The following DAGLB variants were observed in gnomAD, a reference collection of about 807,000 sequenced individuals.
The protein encoded by DAGLB is diacylglycerol lipase beta, also known as diacylglycerol lipase-beta.
A neutral mutation model predicts 72.1 loss-of-function variants in DAGLB; 66 were observed. The observed-to-expected ratio is 0.92, with a 90% confidence interval of 0.75 to 1.12. DAGLB has a LOEUF of 1.12. DAGLB is among the 50% of genes most tolerant of loss of function. DAGLB has a pLI of 0.00. For missense variants in DAGLB, 1,065 were observed against 884.9 expected, an observed-to-expected ratio of 1.20 and a Z score of -2.58; for synonymous variants, 414 against 359.5, an observed-to-expected ratio of 1.15 and a Z score of -1.71.
At chr7:6,445,763 T>G in intron 2 of DAGLB, 190 bp downstream of exon 2, 1 of 599,994 alleles carries the variant, frequency 1.7e-6, no homozygotes, top group Non-Finnish European at 2.7e-6. Flanking sequence ...GTGTCCCGCC[T>G]GGTACAGGAT....
At chr7:6,435,119 C>A (rs977228089) in intron 3 of DAGLB, 99 bp from the exon 4 acceptor site, 396 of 1,514,730 alleles carry the variant, frequency 2.6e-4, no homozygotes, top group Non-Finnish European at 3.1e-4. Context: ...TGAGTCTCTA[C>A]CACGGAGGGT....
chr7:6,434,750 C>T lies in DAGLB; in HGVS notation c.678+12G>A. The T allele has an allele frequency of 1.7e-5, 27 of 1,613,988 alleles. No individual in the cohort carries two copies. The highest frequency in any genetic ancestry group is 2.0e-5 in the Non-Finnish European group (24 of 1,179,884). ...CAGAAGAAACAGACCAAACCAGATCCCCTCGGCTTACTGAAAAGTAGGTTG... is the reference window on the plus strand; with the variant it reads ...CAGAAGAAACAGACCAAACCAGATCTCCTCGGCTTACTGAAAAGTAGGTTG... On this transcript the variant is annotated intron_variant, in intron 4 of 14. Transcript: ENST00000297056.
intron 11 of DAGLB, among the ~76,000 whole-genome samples, chr7:6,415,762 T>G (rs368313565): frequency 3.2e-4 from 48 of 151,290 alleles, no homozygotes; most frequent in African/African-American, 1.0e-3. Context: ...GGAGAATCGC[T>G]TGAAGCTGGG....
At chr7:6,425,245 C>T (rs1207203936) in intron 7 of DAGLB, among the ~76,000 whole-genome samples, 1 of 152,308 alleles carries the variant, frequency 6.6e-6, no homozygotes, top group Admixed American at 6.5e-5. Flanking sequence ...GCGAGCGACA[C>T]TGAACACGCA....
At chr7:6,410,442 G>T in intron 13 of DAGLB, 62 bp from the exon 14 acceptor site, 1 of 1,539,124 alleles carries the variant, frequency 6.5e-7, no homozygotes, top group East Asian at 2.3e-5. Context: ...GAGACCTCCC[G>T]AAACACCAAG....
rs985561468 is a variant in DAGLB, at chr7:6,410,254, G to C, written c.1696C>G (p.Leu566Val). 1.2e-6 allele frequency: 2 copies of C among 1,613,452 alleles called. No homozygotes were observed. The highest frequency in any genetic ancestry group is 8.5e-7 in the Non-Finnish European group (1 of 1,179,754). ...TQPLLGEQSL[L>V]TRWSPAYSFS... ...CTGTAGGCCGGGGACCAGCGCGTCA[G>C]TAGGCTCTGCTCCCCCAGAAGAGGC... The change falls in exon 14 of 15, where the codon CTG becomes GTG. Residue 566 changes from leucine to valine, a missense_variant. Transcript: ENST00000297056.
At chr7:6,420,993 G>C (rs567096828) in intron 9 of DAGLB, among the ~76,000 whole-genome samples, 1 of 152,324 alleles carries the variant, frequency 6.6e-6, no homozygotes, top group Non-Finnish European at 1.5e-5. Context: ...TCTTCACCAT[G>C]AGAATGTACT....
intron 10 of DAGLB, 40 bp downstream of exon 10, chr7:6,416,800 TC>T (rs1562479393): frequency 6.2e-7 from 1 of 1,613,798 alleles, no homozygotes; most frequent in Non-Finnish European, 8.5e-7. Flanking sequence ...AAACAACAGC[TC>T]CAAAGAGGAC....
At chr7:6,415,415 G>A (rs71524068) in intron 11 of DAGLB, among the ~76,000 whole-genome samples, 26,792 of 151,624 alleles carry the variant, frequency 0.18, 2,638 homozygotes, top group East Asian at 0.23. Flanking sequence ...AAAGGGCCGG[G>A]ATTACAGGCA....
Position 6,416,639 on chromosome 7 carries a change from C to G in DAGLB, c.1415G>C (p.Arg472Pro), listed in dbSNP as rs1562479268. The part of the protein sequence containing the change: ...QVRCYAFSPP[R>P]GLWSKALQEY... ...AACAAAGGCTCACCTCCACAGCCCC[C>G]GGGGTGGGGAGAAGGCGTAGCACCT... The change falls in exon 11 of 15, where the codon CGG becomes CCG. Residue 472 changes from arginine to proline, a missense_variant. By Grantham distance (103) the Arg-to-Pro change is moderately radical. Transcript: ENST00000297056. The G allele has an allele frequency of 6.2e-7, 1 of 1,609,478 alleles. No individual in the cohort carries two copies. The highest frequency in any genetic ancestry group is 1.1e-5 in the South Asian group (1 of 90,798).
rs751229301 is a variant in DAGLB, at chr7:6,416,746, C to T, written c.1308G>A (p.Arg436=). 2 of 1,613,622 alleles carry T rather than the reference C, an allele frequency of 1.2e-6. No homozygotes were observed. The highest frequency in any genetic ancestry group is 2.2e-5 in the South Asian group (2 of 91,052). ...SQAFSIAPEY[R]LVIVGHSLGG... Reference sequence around the variant, plus strand: ...CGAGGCTGTGGCCCACTATGACCAGCCGGTACTCCTAGAGGACAGACAGCA... The same window carrying T: ...CGAGGCTGTGGCCCACTATGACCAGTCGGTACTCCTAGAGGACAGACAGCA... Residue 436 remains arginine, a synonymous_variant, in exon 11 of 15, where the codon CGG becomes CGA. Coordinates refer to ENST00000297056, the MANE Select transcript of DAGLB (RefSeq NM_139179.4).
In DAGLB at chr7:6,426,132, A is replaced by G; in HGVS notation, c.930-18T>C. 6.2e-7 allele frequency: 1 copy of G among 1,612,752 alleles called. No individual in the cohort carries two copies. Among genetic ancestry groups the G allele is most frequent in the African/African-American group, 1.3e-5 (1 of 75,016 alleles). On this transcript the variant is annotated intron_variant, in intron 6 of 14. Transcript: ENST00000297056. ...TTCTGCAGCTAAAAAGAGGACAAAG[A>G]CGTTACTATGCCGAACAGAGCCACT...
At position 6,421,794 on chromosome 7, in the gene DAGLB, G is replaced by A. The variant is rs766354107; in HGVS notation, c.1151C>T (p.Thr384Met). 15 of 1,612,858 alleles carry A rather than the reference G, an allele frequency of 9.3e-6. No homozygotes were observed. In the East Asian group the frequency reaches 1.3e-4, roughly 14 times the overall value. Residue 384 changes from threonine (T) to methionine (M), a missense_variant, in exon 9 of 15, where the codon ACG becomes ATG. Transcript: ENST00000297056. The stretch of plus-strand genomic sequence containing the variant: ...CACCTCACTCTCCGCTGACAGGTCC[G>A]TAAGGACATCCTGTAAAAAGGGCGT... ...RGTMSLQDVLTDLSAESEVLD... is the reference protein window; with the variant it reads ...RGTMSLQDVLMDLSAESEVLD...
chr7:6,429,191 C>G (rs765733303), intron 6 of DAGLB, among the ~76,000 whole-genome samples: 2 of 151,998 alleles, frequency 1.3e-5, no homozygotes, highest in African/African-American at 4.8e-5. Context: ...ATGGGACAAA[C>G]TGGCATCATG....
chr7:6,409,896 C>CG lies in DAGLB; in HGVS notation c.1959dup (p.Asp654ArgfsTer40). The CG allele has an allele frequency of 6.2e-7, 1 of 1,614,108 alleles. No homozygotes were observed. The highest frequency in any genetic ancestry group is 8.5e-7 in the Non-Finnish European group (1 of 1,180,034). ...GGACAGGAGACGCAGGCCGCTCTGT[C>CG]GGAGACCACGCTGTCCAAGGCCCGC... is the stretch of plus-strand genomic sequence containing the variant. On this transcript the variant is annotated frameshift_variant, in exon 15 of 15. Coordinates refer to ENST00000297056, the MANE Select transcript of DAGLB (RefSeq NM_139179.4). LOFTEE classifies it low-confidence loss of function (END_TRUNC).
intron 9 of DAGLB, among the ~76,000 whole-genome samples, chr7:6,418,656 A>T (rs1783997856): frequency 7.1e-6 from 1 of 139,914 alleles, no homozygotes. Context: ...ATCCAACTAC[A>T]AGTTTCTTTT....
At chr7:6,447,667 TTC>T (rs1345694789) in intron 1 of DAGLB, 79 bp downstream of exon 1, 47 of 1,514,288 alleles carry the variant, frequency 3.1e-5, no homozygotes, top group Admixed American at 2.6e-4. Context: ...GGGAAGCCAC[TTC>T]TGTCACCGTC....
chr7:6,424,847 A>C lies in DAGLB; in HGVS notation c.1057-12T>G, dbSNP rs1784252645. 1 of 1,613,098 alleles carries C rather than the reference A, an allele frequency of 6.2e-7. No homozygotes were observed. Among genetic ancestry groups the C allele is most frequent in the Admixed American group, 1.7e-5 (1 of 59,964 alleles). ...GGCAGCTCGTAAACCTGCAGGAGCA[A>C]GAAACAAGCATGGGGCCTAAACAGT... On this transcript the variant is annotated splice_polypyrimidine_tract_variant and intron_variant, in intron 7 of 14. Coordinates refer to ENST00000297056, the MANE Select transcript of DAGLB (RefSeq NM_139179.4).
At position 6,436,535 on chromosome 7, in the gene DAGLB, T is replaced by A. The variant is rs774699676; in HGVS notation, c.248-2A>T. 1 of 1,613,506 alleles carries A rather than the reference T, an allele frequency of 6.2e-7. No individual in the cohort carries two copies. The highest frequency in any genetic ancestry group is 8.5e-7 in the Non-Finnish European group (1 of 1,179,910). On this transcript the variant is annotated splice_acceptor_variant, in intron 2 of 14. Transcript: ENST00000297056. LOFTEE classifies it high-confidence loss of function. ...GCGGTCCAGGGTTACAAATCGTTCC[T>A]GAAATACAAAAAACGTTCCGACTGC...
Sources: allele counts gnomAD v4.1 joint callset (sites outside exome capture counted in the v4.1 genomes callset), GRCh38; gene constraint gnomAD v4.1.1; transcripts MANE v1.5; gene names NCBI Gene and HGNC (gene_info 2026-07-23, HGNC 2026-07-21).